Variants in NCOA1 observed in about 807,000 individuals in gnomAD.
NCOA1 encodes nuclear receptor coactivator 1, also known as Hin-2 protein.
A neutral mutation model predicts 150.9 loss-of-function variants in NCOA1; 35 were observed. The ratio of observed to expected loss-of-function variants is 0.23; its 90% CI spans 0.18 to 0.31. The LOEUF (loss-of-function observed/expected upper bound fraction) is 0.31. Ranked by LOEUF, NCOA1 falls within the 10% of genes least tolerant of loss-of-function variation. The pLI is 1.00. For missense variants in NCOA1, 1,491 were observed against 1,749.3 expected (o/e 0.85, Z 2.63); for synonymous variants, 590 against 630.0 (o/e 0.94, Z 0.95).
At chr2:24,662,964 C>CT (rs372780851) in intron 5 of NCOA1, among the ~76,000 whole-genome samples, 78,223 of 144,626 alleles carry the variant, frequency 0.54, 21,571 homozygotes, top group Admixed American at 0.68. Flanking sequence ...ATTTTTTTTT[C>CT]TTTTTTTTTT....
At chr2:24,693,514 A>G (rs978963856) in intron 10 of NCOA1, among the ~76,000 whole-genome samples, 167 bp downstream of exon 10, 12 of 152,200 alleles carry the variant, frequency 7.9e-5, no homozygotes, top group Non-Finnish European at 1.5e-5. Context: ...TACAATTTAG[A>G]TACTATGATC....
intron 19 of NCOA1, among the ~76,000 whole-genome samples, chr2:24,747,945 A>G (rs948004094): frequency 4.6e-5 from 7 of 152,240 alleles, no homozygotes; most frequent in Non-Finnish European, 8.8e-5. Context: ...TGTCTCTACT[A>G]AAAATACAAA....
At chr2:24,611,486 G>C (rs552154413) in intron 3 of NCOA1, among the ~76,000 whole-genome samples, 2 of 152,174 alleles carry the variant, frequency 1.3e-5, no homozygotes, top group South Asian at 4.2e-4. Flanking sequence ...TGGGCCAAAT[G>C]GTAGTTCTGT....
chr2:24,727,968 A>AT (rs1317595868), intron 15 of NCOA1, among the ~76,000 whole-genome samples: 1 of 152,136 alleles, frequency 6.6e-6, no homozygotes, highest in African/African-American at 2.4e-5. Context: ...AGGCTAAATG[A>AT]TTTTTTCTCA....
chr2:24,674,865 A>G (rs1671835590), intron 7 of NCOA1, among the ~76,000 whole-genome samples: 1 of 152,090 alleles, frequency 6.6e-6, no homozygotes, highest in Non-Finnish European at 1.5e-5. Flanking sequence ...CCATAAGAAA[A>G]CTGCTTCAGA....
intron 6 of NCOA1, among the ~76,000 whole-genome samples, chr2:24,671,273 T>C (rs941781287): frequency 1.3e-5 from 2 of 152,160 alleles, no homozygotes; most frequent in Non-Finnish European, 2.9e-5. Flanking sequence ...TTGAAAAAGT[T>C]TGTACAATTG....
At chr2:24,544,086 T>C (rs919410409) in intron 1 of NCOA1, among the ~76,000 whole-genome samples, 5 of 152,082 alleles carry the variant, frequency 3.3e-5, no homozygotes, top group African/African-American at 1.2e-4. Context: ...AGATTTAGGC[T>C]TTGGTGGTTA....
intron 1 of NCOA1, among the ~76,000 whole-genome samples, chr2:24,501,194 G>A (rs941938111): frequency 3.9e-5 from 6 of 152,164 alleles, no homozygotes; most frequent in African/African-American, 1.4e-4. Context: ...TGAATATCAT[G>A]TTTTATTCAG....
intron 14 of NCOA1, among the ~76,000 whole-genome samples, chr2:24,717,866 T>A (rs886908292): frequency 6.6e-6 from 1 of 151,442 alleles, no homozygotes; most frequent in African/African-American, 2.4e-5. Flanking sequence ...AAGGAAGATA[T>A]GAAAATGGCA....
intron 2 of NCOA1, among the ~76,000 whole-genome samples, chr2:24,569,369 T>C: frequency 6.6e-6 from 1 of 152,108 alleles, no homozygotes; most frequent in East Asian, 1.9e-4. Flanking sequence ...GGGACATAAC[T>C]TACCTAGTTA....
intron 3 of NCOA1, among the ~76,000 whole-genome samples, chr2:24,625,644 C>T (rs1486877483): frequency 6.6e-6 from 1 of 152,026 alleles, no homozygotes; most frequent in Non-Finnish European, 1.5e-5. Context: ...AAATCTTCTC[C>T]CTCCCCTCTA....
At chr2:24,608,542 T>G (rs565482811) in intron 3 of NCOA1, among the ~76,000 whole-genome samples, 69 of 151,680 alleles carry the variant, frequency 4.5e-4, no homozygotes, top group African/African-American at 1.6e-3. Flanking sequence ...ACTGGGATTA[T>G]AGGCATGAGC....
chr2:24,759,102 A>G (rs969025314), intron 21 of NCOA1, among the ~76,000 whole-genome samples: 2 of 152,368 alleles, frequency 1.3e-5, no homozygotes, highest in South Asian at 2.1e-4. Flanking sequence ...GCATTTATTC[A>G]GTACTTACTG....
intron 5 of NCOA1, among the ~76,000 whole-genome samples, chr2:24,663,161 A>G (rs966619201): frequency 6.6e-6 from 1 of 152,030 alleles, no homozygotes; most frequent in African/African-American, 2.4e-5. Flanking sequence ...TCTGATCTGG[A>G]CCACATCTCT....
At chr2:24,500,097 T>C (rs1663393620) in intron 1 of NCOA1, among the ~76,000 whole-genome samples, 1 of 150,092 alleles carries the variant, frequency 6.7e-6, no homozygotes, top group South Asian at 2.1e-4. Context: ...CGGTAGTTTC[T>C]TTTTTTCTTT....
At chr2:24,540,467 T>A (rs992633968) in intron 1 of NCOA1, among the ~76,000 whole-genome samples, 3 of 152,004 alleles carry the variant, frequency 2.0e-5, no homozygotes, top group African/African-American at 7.2e-5. Flanking sequence ...TGGCTTTTTT[T>A]TTTTTTTTGA....
chr2:24,587,377 T>C (rs953512409), intron 3 of NCOA1, among the ~76,000 whole-genome samples: 3 of 152,206 alleles, frequency 2.0e-5, no homozygotes, highest in Admixed American at 6.5e-5. Flanking sequence ...TATTTTTCAG[T>C]TTTCAAGAGG....
At chr2:24,552,818 T>G (rs183923717) in intron 1 of NCOA1, among the ~76,000 whole-genome samples, 1 of 152,368 alleles carries the variant, frequency 6.6e-6, no homozygotes, top group Non-Finnish European at 1.5e-5. Context: ...GTGTTGACCT[T>G]GTCTTCTGCA....
chr2:24,614,143 G>T (rs1010371898), intron 3 of NCOA1, among the ~76,000 whole-genome samples: 2 of 135,106 alleles, frequency 1.5e-5, no homozygotes, highest in Non-Finnish European at 3.1e-5. Context: ...TGCCCCAGGA[G>T]TATCTGGAAG....
Sources: gnomAD v4.1 joint callset for allele counts (sites outside exome capture counted in the v4.1 genomes callset) on GRCh38, gnomAD v4.1.1 for gene constraint, MANE v1.5 for transcripts, NCBI Gene and HGNC (gene_info 2026-07-23, HGNC 2026-07-21) for gene names.